The following CTNNA3 variants were observed in gnomAD, a reference collection of about 807,000 sequenced individuals.
CTNNA3 encodes the protein catenin alpha-3.
A neutral mutation model predicts 95.7 loss-of-function variants in CTNNA3; 76 were observed. That is an observed-to-expected ratio of 0.79 (90% CI 0.66 to 0.96). CTNNA3 has a LOEUF of 0.96. Ranked by LOEUF, CTNNA3 falls within the 40% of genes least tolerant of loss-of-function variation. The pLI is 0.00. For synonymous variants in CTNNA3, 431 were observed against 374.4 expected (o/e 1.15, Z -1.74); for missense variants, 1,191 against 1,089.8 (o/e 1.09, Z -1.31).
chr10:66,401,381 C>T (rs1458097436), intron 11 of CTNNA3, among the ~76,000 whole-genome samples: 2 of 151,900 alleles, frequency 1.3e-5, no homozygotes, highest in East Asian at 1.9e-4. Flanking sequence ...AAAAAATTAG[C>T]CATGGATGGT....
chr10:66,343,668 C>T (rs1378018833), intron 12 of CTNNA3, among the ~76,000 whole-genome samples: 1 of 151,880 alleles, frequency 6.6e-6, no homozygotes, highest in Non-Finnish European at 1.5e-5. Context: ...CTATACCACT[C>T]TAGGATGACT....
At chr10:67,189,050 G>A (rs1488942182) in intron 6 of CTNNA3, among the ~76,000 whole-genome samples, 1 of 151,906 alleles carries the variant, frequency 6.6e-6, no homozygotes, top group East Asian at 1.9e-4. Context: ...CCAAGAAGTC[G>A]AGGTTGTGGT....
At chr10:66,284,074 A>C (rs1057258387) in intron 12 of CTNNA3, among the ~76,000 whole-genome samples, 14 of 151,834 alleles carry the variant, frequency 9.2e-5, no homozygotes, top group African/African-American at 3.4e-4. Context: ...TGAACTTTGG[A>C]GTGTAGATTT....
intron 11 of CTNNA3, among the ~76,000 whole-genome samples, chr10:66,490,431 C>A (rs920052535): frequency 6.6e-5 from 10 of 152,050 alleles, no homozygotes; most frequent in Non-Finnish European, 5.9e-5. Context: ...GCCTTTTAAC[C>A]TGAAACAGAT....
chr10:67,717,855 A>G (rs1841153514), intron 1 of CTNNA3, among the ~76,000 whole-genome samples: 1 of 152,198 alleles, frequency 6.6e-6, no homozygotes, highest in African/African-American at 2.4e-5. Flanking sequence ...TTCTATGAAG[A>G]AAGTCAGTGG....
At chr10:66,784,008 G>A (rs538334671) in intron 7 of CTNNA3, among the ~76,000 whole-genome samples, 1 of 152,196 alleles carries the variant, frequency 6.6e-6, no homozygotes, top group African/African-American at 2.4e-5. Flanking sequence ...TATGGCTATG[G>A]AAAGTCTATG....
intron 5 of CTNNA3, among the ~76,000 whole-genome samples, chr10:67,493,117 G>GTT (rs1285973003): frequency 6.6e-6 from 1 of 151,326 alleles, no homozygotes; most frequent in Non-Finnish European, 1.5e-5. Flanking sequence ...TTTAAAGGTA[G>GTT]TTTTGTTTTG....
intron 5 of CTNNA3, among the ~76,000 whole-genome samples, chr10:67,467,304 T>C (rs2133014281): frequency 6.6e-6 from 1 of 152,320 alleles, no homozygotes; most frequent in Admixed American, 6.5e-5. Context: ...GTAAACCAAA[T>C]ATTGACAGAA....
At chr10:66,127,750 G>GTA (rs1341739970) in intron 13 of CTNNA3, among the ~76,000 whole-genome samples, 3 of 152,070 alleles carry the variant, frequency 2.0e-5, no homozygotes, top group Non-Finnish European at 4.4e-5. Context: ...AATAATAAGG[G>GTA]TATAAGCCAT....
intron 11 of CTNNA3, among the ~76,000 whole-genome samples, chr10:66,515,210 G>A (rs777949770): frequency 2.0e-5 from 3 of 151,818 alleles, no homozygotes; most frequent in African/African-American, 4.8e-5. Flanking sequence ...GAATTCACAC[G>A]TTTTCACAAA....
chr10:66,942,817 A>G (rs1252899008), intron 7 of CTNNA3, among the ~76,000 whole-genome samples: 2 of 152,228 alleles, frequency 1.3e-5, no homozygotes, highest in Non-Finnish European at 2.9e-5. Flanking sequence ...AGGCATTTAA[A>G]GGAAGAAAAC....
chr10:67,383,645 A>G (rs1844032165), intron 5 of CTNNA3, among the ~76,000 whole-genome samples: 1 of 123,308 alleles, frequency 8.1e-6, no homozygotes, highest in African/African-American at 2.5e-5. Context: ...TTACCTCACT[A>G]ACCTAACTAG....
intron 1 of CTNNA3, among the ~76,000 whole-genome samples, chr10:67,722,551 G>A (rs1841185368): frequency 6.6e-6 from 1 of 152,164 alleles, no homozygotes; most frequent in South Asian, 2.1e-4. Flanking sequence ...GGTTTAATTA[G>A]AAAGTAGCTT....
At chr10:67,108,390 C>A (rs1164154541) in intron 7 of CTNNA3, among the ~76,000 whole-genome samples, 1 of 152,014 alleles carries the variant, frequency 6.6e-6, no homozygotes, top group Non-Finnish European at 1.5e-5. Flanking sequence ...TACAAATTTT[C>A]ATTCACGGGT....
chr10:66,049,133 A>AAC (rs751932122), intron 15 of CTNNA3, among the ~76,000 whole-genome samples: 31 of 152,340 alleles, frequency 2.0e-4, no homozygotes, highest in Non-Finnish European at 3.7e-4. Context: ...AAAAGATATG[A>AAC]ACAGACACTT....
chr10:66,524,196 A>C (rs1841168922), intron 10 of CTNNA3, among the ~76,000 whole-genome samples: 1 of 9,768 alleles, frequency 1.0e-4, no homozygotes, highest in Non-Finnish European at 3.5e-4. Flanking sequence ...CTGTTTAAAA[A>C]ATATTTTGTC....
chr10:66,429,682 G>C (rs61867179), intron 11 of CTNNA3, among the ~76,000 whole-genome samples: 30,854 of 152,074 alleles, frequency 0.2, 3,469 homozygotes, highest in South Asian at 0.3. Context: ...TGCAGAAAAG[G>C]TCTTTGACAA....
intron 7 of CTNNA3, among the ~76,000 whole-genome samples, chr10:66,818,808 T>C (rs558131903): frequency 1.1e-3 from 164 of 152,032 alleles, no homozygotes; most frequent in Non-Finnish European, 2.0e-3. Flanking sequence ...AAGACAATCA[T>C]AGAAAAAAGT....
chr10:66,815,209 A>G (rs59262910), intron 7 of CTNNA3, among the ~76,000 whole-genome samples: 9,729 of 152,258 alleles, frequency 0.064, 481 homozygotes, highest in East Asian at 0.2. Flanking sequence ...AACTCTAGAA[A>G]TTAATCAAAG....
Sources: gnomAD v4.1 joint callset for allele counts (sites outside exome capture counted in the v4.1 genomes callset) on GRCh38, gnomAD v4.1.1 for gene constraint, MANE v1.5 for transcripts, NCBI Gene and HGNC (gene_info 2026-07-23, HGNC 2026-07-21) for gene names.